The following ADNP variants were observed in gnomAD, a reference collection of about 807,000 sequenced individuals.
ADNP encodes the protein activity dependent neuroprotector homeobox, also known as activity-dependent neuroprotector homeobox protein.
ADNP carries 4 observed loss-of-function variants against 84.9 expected under a neutral mutation model. The ratio of observed to expected loss-of-function variants is 0.05; its 90% CI spans 0.02 to 0.11. ADNP has a LOEUF of 0.11. Ranked by LOEUF, ADNP falls within the 10% of genes least tolerant of loss-of-function variation. The pLI is 1.00. For synonymous variants in ADNP, 554 were observed against 468.1 expected (o/e 1.18, Z -2.37); for missense variants, 1,132 against 1,326.0 (o/e 0.85, Z 2.27).
In ADNP at chr20:50,892,013, G is replaced by A. The variant is rs1273701290; in HGVS notation, c.2701C>T (p.Pro901Ser). 13 of 1,614,064 alleles carry A rather than the reference G, an allele frequency of 8.1e-6. No homozygotes were observed. Among genetic ancestry groups the A allele is most frequent in the African/African-American group, 4.0e-5 (3 of 74,984 alleles). ...TCTGGGTTATCGTTAGAGATTTTAG[G>A]TTCAACTTCAAAAACAGGGTCAAAA... ...SPFDPVFEVEPKISNDNPEEH... is the reference protein window; with the variant it reads ...SPFDPVFEVESKISNDNPEEH... Residue 901 changes from proline (P) to serine (S), a missense_variant, in exon 6 of 6, where the codon CCT (proline) becomes TCT (serine). Pro to Ser is a moderately conservative substitution (Grantham distance 74). This residue lies in a region of ADNP where 381 missense variants were observed against 319.9 expected (regional missense o/e 1.19). Transcript: ENST00000621696.
In ADNP at chr20:50,890,923, TGAATA is replaced by T; in HGVS notation, c.*477_*481del. 1.0e-6 allele frequency: 1 copy of T among 985,918 alleles called. No homozygotes were observed. The highest frequency in any genetic ancestry group is 1.2e-6 in the Non-Finnish European group (1 of 830,224). 61.1% of individuals were successfully genotyped at this position (985,918 alleles called of 1,614,324 possible). On this transcript the variant is annotated 3_prime_UTR_variant, in exon 6 of 6. Coordinates refer to ENST00000621696, the MANE Select transcript of ADNP (RefSeq NM_001282531.3). Reference sequence around the variant, plus strand: ...CAGTAACAGGATCATGAGCATCACTTGAATAGGTCTAAAAGACTGTACAAATATAC... The same window carrying T: ...CAGTAACAGGATCATGAGCATCACTTGGTCTAAAAGACTGTACAAATATAC...
rs978055405 is a variant in ADNP, at chr20:50,890,836, T to C, written c.*569A>G. The C allele has an allele frequency of 1.8e-5, 15 of 851,772 alleles. No homozygotes were observed. The highest frequency in any genetic ancestry group is 5.4e-5 in the South Asian group (1 of 18,570). The allele number at this position is 851,772 out of a possible 1,614,324, so 52.8% of individuals were successfully genotyped here. A position where few individuals can be genotyped will look rare whatever the true frequency, so the allele number is the denominator to read the frequency against. On this transcript the variant is annotated 3_prime_UTR_variant, in exon 6 of 6. Transcript: ENST00000621696. The stretch of plus-strand genomic sequence containing the variant: ...AGTTTTGAGCTTTTGCTAGGTAAAC[T>C]AGATAGAGCGTTTATTACACAGCAA...
intron 4 of ADNP, among the ~76,000 whole-genome samples, chr20:50,902,705 C>T (rs1982108246): frequency 6.6e-6 from 1 of 152,150 alleles, no homozygotes; most frequent in African/African-American, 2.4e-5. Flanking sequence ...GGTAAAATCC[C>T]ACTTGTTCCT....
chr20:50,923,368 C>G (rs1984080802), intron 2 of ADNP, among the ~76,000 whole-genome samples: 1 of 152,144 alleles, frequency 6.6e-6, no homozygotes, highest in African/African-American at 2.4e-5. Context: ...ACTATGTTCT[C>G]AAGTTTTTCG....
At chr20:50,911,722 A>C (rs1359999489) in intron 2 of ADNP, among the ~76,000 whole-genome samples, 1 of 152,142 alleles carries the variant, frequency 6.6e-6, no homozygotes, top group East Asian at 1.9e-4. Context: ...GGGCAGAAAA[A>C]AAGCAGAAAA....
rs938916073 is a variant in ADNP, at chr20:50,891,013, C to T, written c.*392G>A. The T allele has an allele frequency of 3.9e-6, 4 of 1,014,242 alleles. No homozygotes were observed. Among genetic ancestry groups the T allele is most frequent in the African/African-American group, 1.7e-5 (1 of 58,082 alleles). 62.8% of individuals were successfully genotyped at this position (1,014,242 alleles called of 1,614,324 possible). Reference sequence around the variant, plus strand: ...ATCGCTTTTCCCAAAGTCTACTATACACATTAGACTGGTAGCTTGTATGTT... The same window carrying T: ...ATCGCTTTTCCCAAAGTCTACTATATACATTAGACTGGTAGCTTGTATGTT... On this transcript the variant is annotated 3_prime_UTR_variant, in exon 6 of 6. Transcript: ENST00000621696.
At chr20:50,929,006 A>C (rs1984468577) in intron 1 of ADNP, among the ~76,000 whole-genome samples, 181 bp from the exon 2 acceptor site, 1 of 152,258 alleles carries the variant, frequency 6.6e-6, no homozygotes, top group Non-Finnish European at 1.5e-5. Flanking sequence ...CTTGAGTTCG[A>C]CAATGAAGAA....
intron 2 of ADNP, among the ~76,000 whole-genome samples, chr20:50,913,168 G>A (rs1983197328): frequency 7.3e-6 from 1 of 137,418 alleles, no homozygotes; most frequent in South Asian, 2.5e-4. Context: ...CCTGAGAATC[G>A]TTTGAACCTA....
chr20:50,920,451 G>A (rs1983882218), intron 2 of ADNP, among the ~76,000 whole-genome samples: 4 of 151,330 alleles, frequency 2.6e-5, no homozygotes, highest in Non-Finnish European at 5.9e-5. Flanking sequence ...GTGGTGGCCA[G>A]CGCCTGTAAT....
chr20:50,905,342 C>T (rs563088052), intron 2 of ADNP: 2 of 152,098 alleles, frequency 1.3e-5, no homozygotes, highest in East Asian at 3.9e-4. Flanking sequence ...GACAAAGCAC[C>T]AGGAATTAAA....
intron 2 of ADNP, among the ~76,000 whole-genome samples, chr20:50,912,555 G>C (rs1056546231): frequency 1.3e-5 from 2 of 152,158 alleles, no homozygotes; most frequent in Non-Finnish European, 2.9e-5. Flanking sequence ...AAGAAAAAAA[G>C]GTTCCCTGCC....
chr20:50,906,972 T>TG (rs1290967717), intron 2 of ADNP, among the ~76,000 whole-genome samples: 1 of 95,048 alleles, frequency 1.1e-5, no homozygotes, highest in Admixed American at 1.3e-4. Flanking sequence ...AGTTTTTTTT[T>TG]TTTGTTTTTT....
intron 2 of ADNP, among the ~76,000 whole-genome samples, chr20:50,905,921 A>T (rs1199741028): frequency 6.6e-6 from 1 of 152,194 alleles, no homozygotes; most frequent in Non-Finnish European, 1.5e-5. Flanking sequence ...AATTTAAAAC[A>T]GTTAGTACAC....
chr20:50,916,579 G>A (rs1430160776), intron 2 of ADNP, among the ~76,000 whole-genome samples: 3 of 152,106 alleles, frequency 2.0e-5, no homozygotes, highest in African/African-American at 7.2e-5. Context: ...CTGTTATTCG[G>A]ATGTGACATA....
intron 3 of ADNP, chr20:50,904,550 G>A (rs1023957687): frequency 1.3e-5 from 2 of 152,210 alleles, no homozygotes; most frequent in Admixed American, 6.5e-5. Context: ...CTTAAAGCAG[G>A]CAGGCAAAAT....
At chr20:50,909,195 T>C (rs1048270884) in intron 2 of ADNP, among the ~76,000 whole-genome samples, 5 of 151,138 alleles carry the variant, frequency 3.3e-5, no homozygotes, top group Admixed American at 3.3e-4. Flanking sequence ...AGAAACCCCG[T>C]CTCTGCTAAA....
chr20:50,891,343 A>G lies in ADNP; in HGVS notation c.*62T>C. The G allele has an allele frequency of 6.7e-7, 1 of 1,495,706 alleles. No homozygotes were observed. 92.7% of individuals were successfully genotyped at this position (1,495,706 alleles called of 1,614,324 possible). The stretch of plus-strand genomic sequence containing the variant: ...AGTACCAGTGAGAAGACAGCTTTGC[A>G]GTCACACTGGATATCAGAGTTCCAG... On this transcript the variant is annotated 3_prime_UTR_variant, in exon 6 of 6. Coordinates refer to ENST00000621696, the MANE Select transcript of ADNP (RefSeq NM_001282531.3).
chr20:50,923,093 C>G (rs1265295203), intron 2 of ADNP, among the ~76,000 whole-genome samples: 4 of 152,088 alleles, frequency 2.6e-5, no homozygotes, highest in Non-Finnish European at 5.9e-5. Flanking sequence ...TATAACAAAA[C>G]ACGGTAATGG....
intron 2 of ADNP, among the ~76,000 whole-genome samples, chr20:50,924,325 C>A (rs747733976): frequency 6.6e-6 from 1 of 152,232 alleles, no homozygotes; most frequent in African/African-American, 2.4e-5. Flanking sequence ...ACTCTCCCTG[C>A]TGGGGGTGTG....
Sources: gnomAD v4.1 joint callset for allele counts (sites outside exome capture counted in the v4.1 genomes callset) on GRCh38, gnomAD v4.1.1 for gene constraint, gnomAD v4.1.1 regional missense constraint, MANE v1.5 for transcripts, NCBI Gene and HGNC (gene_info 2026-07-23, HGNC 2026-07-21) for gene names.